The following PCDHGB6 variants were observed in gnomAD, a reference collection of about 807,000 sequenced individuals.
The protein encoded by PCDHGB6 is protocadherin gamma subfamily B, 6, also known as protocadherin gamma-B6.
A neutral mutation model predicts 59.1 loss-of-function variants in PCDHGB6; 51 were observed. The ratio of observed to expected loss-of-function variants is 0.86; its 90% CI spans 0.69 to 1.09. The LOEUF (loss-of-function observed/expected upper bound fraction) is 1.09, where lower values mean the gene tolerates loss of function less well. Ranked by LOEUF, PCDHGB6 falls within the 50% of genes least tolerant of loss-of-function variation. PCDHGB6 has a pLI of 0.00. For missense variants in PCDHGB6, 1,148 were observed against 1,205.1 expected (o/e 0.95, Z 0.70); for synonymous variants, 466 against 495.1 (o/e 0.94, Z 0.78).
At chr5:141,435,112 T>A (rs906494104) in intron 1 of PCDHGB6, among the ~76,000 whole-genome samples, 1 of 152,102 alleles carries the variant, frequency 6.6e-6, no homozygotes, top group Non-Finnish European at 1.5e-5. Context: ...GGGGGAGAAA[T>A]CTAATTCAAT....
chr5:141,420,123 G>A (rs1335693841), intron 1 of PCDHGB6: 1 of 1,613,968 alleles, frequency 6.2e-7, no homozygotes, highest in Non-Finnish European at 8.5e-7. Flanking sequence ...TATAATTTTT[G>A]TGTGCCTGGG....
intron 3 of PCDHGB6, among the ~76,000 whole-genome samples, chr5:141,506,923 C>G: frequency 6.6e-6 from 1 of 152,184 alleles, no homozygotes; most frequent in African/African-American, 2.4e-5. Flanking sequence ...ACATACTAAA[C>G]AAACTTTAGG....
Position 141,431,709 on chromosome 5 carries a change from T to G in PCDHGB6, c.2418+21089T>G, listed in dbSNP as rs1561854893. ...CACGAGGAGTCAGGATTCTACCAGA[T>G]GGAAGTGCAAGCAATGGATAATGCA... On this transcript the variant is annotated intron_variant, in intron 1 of 3. Coordinates refer to ENST00000520790, the MANE Select transcript of PCDHGB6 (RefSeq NM_018926.3). The surrounding 1 kb of genome is among the most constrained non-coding windows in gnomAD (Gnocchi z 4.8). The G allele has an allele frequency of 6.2e-7, 1 of 1,614,168 alleles. No individual in the cohort carries two copies. Among genetic ancestry groups the G allele is most frequent in the Middle Eastern group, 1.6e-4 (1 of 6,062 alleles).
chr5:141,479,806 G>A (rs1188862048), intron 1 of PCDHGB6, among the ~76,000 whole-genome samples: 1 of 152,182 alleles, frequency 6.6e-6, no homozygotes, highest in Non-Finnish European at 1.5e-5. Context: ...AGGGTGGTAT[G>A]CAAGGATACT....
At chr5:141,464,748 T>C (rs995568259) in intron 1 of PCDHGB6, among the ~76,000 whole-genome samples, 2 of 152,190 alleles carry the variant, frequency 1.3e-5, no homozygotes, top group Admixed American at 1.3e-4. Context: ...TATCTTTTTG[T>C]TTTTTTAGAG....
chr5:141,418,867 A>T, intron 1 of PCDHGB6: 1 of 1,613,968 alleles, frequency 6.2e-7, no homozygotes, highest in Non-Finnish European at 8.5e-7. Context: ...TAATTGTAGA[A>T]GTTGTAGACG....
In PCDHGB6 at chr5:141,408,828, G is replaced by C; in HGVS notation, c.626G>C (p.Ser209Thr). 6.2e-7 allele frequency: 1 copy of C among 1,613,614 alleles called. No homozygotes were observed. Among genetic ancestry groups the C allele is most frequent in the East Asian group, 2.2e-5 (1 of 44,860 alleles). The change falls in exon 1 of 4, where the codon AGC becomes ACC. Residue 209 changes from serine (S) to threonine (T), a missense_variant. By Grantham distance (58) the Ser-to-Thr change is moderately conservative. Coordinates refer to ENST00000520790, the MANE Select transcript of PCDHGB6 (RefSeq NM_018926.3). ...LLDREEQRSH[S>T]LILTALDGGD... ...GACCGGGAAGAACAGAGATCTCATAGCTTGATATTGACTGCCTTGGACGGA... is the reference window on the plus strand; with the variant it reads ...GACCGGGAAGAACAGAGATCTCATACCTTGATATTGACTGCCTTGGACGGA...
chr5:141,455,798 T>TA (rs2098831882), intron 1 of PCDHGB6, among the ~76,000 whole-genome samples: 1 of 152,036 alleles, frequency 6.6e-6, no homozygotes, highest in African/African-American at 2.4e-5. Flanking sequence ...GGAGATGCTT[T>TA]AAAAAATGAA....
rs913767837 is a variant in PCDHGB6, at chr5:141,491,909, C to T, written c.2419-2898C>T. 8.5e-6 allele frequency: 12 copies of T among 1,403,834 alleles called. No individual in the cohort carries two copies. Among genetic ancestry groups the T allele is most frequent in the Non-Finnish European group, 1.1e-5 (12 of 1,057,326 alleles). 87.0% of individuals were successfully genotyped at this position (1,403,834 alleles called of 1,614,324 possible). A position where few individuals can be genotyped will look rare whatever the true frequency, so the allele number is the denominator to read the frequency against. Reference sequence around the variant, plus strand: ...GGGCTCCGAGCACCGGGGGTGGTGGCGACTGTGGGCGAGGGGAGGTGGGAC... The same window carrying T: ...GGGCTCCGAGCACCGGGGGTGGTGGTGACTGTGGGCGAGGGGAGGTGGGAC... On this transcript the variant is annotated intron_variant, in intron 1 of 3. Transcript: ENST00000520790. The surrounding 1 kb of genome is among the most constrained non-coding windows in gnomAD (Gnocchi z 6.9).
chr5:141,418,523 C>G (rs2096266495), intron 1 of PCDHGB6: 1 of 1,613,958 alleles, frequency 6.2e-7, no homozygotes, highest in Non-Finnish European at 8.5e-7. Context: ...GGACCCTCCC[C>G]GAAGCGGTAC....
At position 141,422,880 on chromosome 5, in the gene PCDHGB6, G is replaced by C. The variant is rs970045921; in HGVS notation, c.2418+12260G>C. The C allele has an allele frequency of 7.4e-6, 12 of 1,614,140 alleles. No individual in the cohort carries two copies. In the Admixed American group the frequency reaches 2.0e-4, roughly 27 times the overall value. ...TCAGCAGCAACGTGTCGCTGAGCCT[G>C]TTCGTGCTGGACCAGAACGACAATG... On this transcript the variant is annotated intron_variant, in intron 1 of 3. Coordinates refer to ENST00000520790, the MANE Select transcript of PCDHGB6 (RefSeq NM_018926.3).
chr5:141,412,385 A>G (rs1041538045), intron 1 of PCDHGB6: 8 of 152,236 alleles, frequency 5.3e-5, no homozygotes, highest in African/African-American at 1.9e-4. Flanking sequence ...AAATAGGTCC[A>G]TTTAACTTGT....
At chr5:141,415,040 C>T (rs772941952) in intron 1 of PCDHGB6, 8 of 1,613,520 alleles carry the variant, frequency 5.0e-6, no homozygotes, top group South Asian at 1.1e-5. Context: ...GGACTCTTCG[C>T]GGTGGGGGAG....
rs563057370 is a variant in PCDHGB6 at position 141,491,297 on chromosome 5, A to G, written c.2419-3510A>G. 1.2e-6 allele frequency: 2 copies of G among 1,614,106 alleles called. No homozygotes were observed. Among genetic ancestry groups the G allele is most frequent in the African/African-American group, 2.7e-5 (2 of 75,038 alleles). On this transcript the variant is annotated intron_variant, in intron 1 of 3. Transcript: ENST00000520790. This position sits in a 1 kb window ranked among gnomAD's most constrained non-coding sequence, Gnocchi z 6.9. The stretch of plus-strand genomic sequence containing the variant: ...AGTGACTTCCTCATACACCCTCCTG[A>G]GCGTTCAGACCTTACCCTTTACCTC...
intron 1 of PCDHGB6, among the ~76,000 whole-genome samples, chr5:141,463,966 A>C (rs923614502): frequency 4.6e-5 from 7 of 152,196 alleles, no homozygotes; most frequent in African/African-American, 1.7e-4. Context: ...AAATAGCTTC[A>C]TAAAACTCCA....
chr5:141,445,621 G>A (rs1216813961), intron 1 of PCDHGB6, among the ~76,000 whole-genome samples: 4 of 151,996 alleles, frequency 2.6e-5, no homozygotes, highest in African/African-American at 7.2e-5. Flanking sequence ...TCTTTTTTTC[G>A]GAAAGTGATA....
At chr5:141,433,481 G>C (rs2097613311) in intron 1 of PCDHGB6, among the ~76,000 whole-genome samples, 1 of 152,046 alleles carries the variant, frequency 6.6e-6, no homozygotes, top group African/African-American at 2.4e-5. Flanking sequence ...CTAGCCTCCT[G>C]CTTCTCCCTC....
At chr5:141,414,155 A>G in intron 1 of PCDHGB6, 1 of 1,601,706 alleles carries the variant, frequency 6.2e-7, no homozygotes, top group Non-Finnish European at 8.5e-7. Context: ...CAAGCAGAAG[A>G]TGGAGGAGCA....
intron 1 of PCDHGB6, chr5:141,440,968 T>A (rs1487107428): frequency 6.6e-6 from 1 of 152,198 alleles, no homozygotes; most frequent in African/African-American, 2.4e-5. Flanking sequence ...AGATCACATA[T>A]GGCTTCACAA....
Sources: gnomAD v4.1 joint callset for allele counts (sites outside exome capture counted in the v4.1 genomes callset) on GRCh38, gnomAD v4.1.1 for gene constraint, Gnocchi (gnomAD v3.1) non-coding constraint, MANE v1.5 for transcripts, NCBI Gene and HGNC (gene_info 2026-07-23, HGNC 2026-07-21) for gene names.